The following KIF16B variants were observed in gnomAD, a reference collection of about 807,000 sequenced individuals.
KIF16B encodes the protein kinesin-like protein KIF16B.
KIF16B carries 98 observed loss-of-function variants against 156.3 expected under a neutral mutation model. The ratio of observed to expected loss-of-function variants is 0.63; its 90% CI spans 0.53 to 0.74. The LOEUF (loss-of-function observed/expected upper bound fraction) is 0.74. Ranked by LOEUF, KIF16B falls within the 30% of genes least tolerant of loss-of-function variation. The pLI is 0.00. For missense variants in KIF16B, 1,421 were observed against 1,606.5 expected, an observed-to-expected ratio of 0.88 and a Z score of 1.97; for synonymous variants, 564 against 583.7, an observed-to-expected ratio of 0.97 and a Z score of 0.49.
chr20:16,356,256 G>T, intron 23 of KIF16B, 74 bp downstream of exon 23: 2 of 1,576,248 alleles, frequency 1.3e-6, no homozygotes, highest in Non-Finnish European at 1.7e-6. Flanking sequence ...TCCCCCTTTT[G>T]AAAAAATAAA....
chr20:16,515,471 T>C (rs567579421), intron 4 of KIF16B, 77 bp downstream of exon 4: 20 of 779,286 alleles, frequency 2.6e-5, no homozygotes, highest in African/African-American at 2.2e-4. Flanking sequence ...ACAGACCAAA[T>C]AGATAAAAGA....
intron 12 of KIF16B, among the ~76,000 whole-genome samples, chr20:16,488,397 T>C (rs553752024): frequency 1.3e-5 from 2 of 152,336 alleles, no homozygotes; most frequent in African/African-American, 4.8e-5. Context: ...ATGACATACC[T>C]TGAGCATTTT....
In KIF16B at chr20:16,273,381, G is replaced by A; in HGVS notation, c.3826C>T (p.Leu1276Phe). 1.2e-6 allele frequency: 2 copies of A among 1,614,074 alleles called. No homozygotes were observed. Among genetic ancestry groups the A allele is most frequent in the Non-Finnish European group, 8.5e-7 (1 of 1,179,956 alleles). Residue 1276 changes from leucine to phenylalanine, a missense_variant, in exon 26 of 26, where the codon CTC becomes TTC. Coordinates refer to ENST00000354981, the MANE Select transcript of KIF16B (RefSeq NM_024704.5). ...KYLRDFFSVM[L>F]QSATSPLHIN... ...TGGAGGGGAGATGTTGCGGACTGGA[G>A]CATCACGCTGAAAAAGTCCCTGAGG...
At chr20:16,410,010 TGTAG>T (rs2065891485) in intron 15 of KIF16B, among the ~76,000 whole-genome samples, 1 of 119,954 alleles carries the variant, frequency 8.3e-6, no homozygotes, top group Admixed American at 8.2e-5. Flanking sequence ...CATATATATA[TGTAG>T]GTACATATAT....
At chr20:16,395,464 T>G (rs1444577595) in intron 17 of KIF16B, among the ~76,000 whole-genome samples, 1 of 152,110 alleles carries the variant, frequency 6.6e-6, no homozygotes, top group African/African-American at 2.4e-5. Flanking sequence ...ATATAAATGT[T>G]GTCATCTGGG....
chr20:16,431,689 C>T (rs1184330383), intron 12 of KIF16B, among the ~76,000 whole-genome samples: 1 of 151,918 alleles, frequency 6.6e-6, no homozygotes, highest in Non-Finnish European at 1.5e-5. Context: ...GTTCTGACAA[C>T]CAAAAATGTC....
In KIF16B at chr20:16,379,509, C is replaced by T. The variant is rs867270312; in HGVS notation, c.2493G>A (p.Arg831=). ...AQLRFFEFKR[R]QLVKLVNLEK... ...CCAAGTTCACTAGCTTGACAAGCTG[C>T]CTTCTCTTGAATTCGAAGAAACGCA... The change falls in exon 19 of 26, where the codon AGG becomes AGA. Residue 831 remains arginine, a synonymous_variant. Coordinates refer to ENST00000354981, the MANE Select transcript of KIF16B (RefSeq NM_024704.5). 1.2e-6 allele frequency: 2 copies of T among 1,614,164 alleles called. No individual in the cohort carries two copies. The highest frequency in any genetic ancestry group is 3.3e-5 in the Admixed American group (2 of 60,024).
At chr20:16,284,609 C>T (rs539746722) in intron 25 of KIF16B, among the ~76,000 whole-genome samples, 14 of 152,168 alleles carry the variant, frequency 9.2e-5, no homozygotes, top group Non-Finnish European at 1.9e-4. Flanking sequence ...AGATTAAGCA[C>T]ACAGGGACAC....
chr20:16,371,861 C>T, intron 20 of KIF16B, 100 bp from the exon 21 acceptor site: 1 of 737,144 alleles, frequency 1.4e-6, no homozygotes. Context: ...GGAGCAATCT[C>T]CTTCTAAATA....
At chr20:16,468,474 G>T (rs2067559259) in intron 12 of KIF16B, among the ~76,000 whole-genome samples, 1 of 151,170 alleles carries the variant, frequency 6.6e-6, no homozygotes, top group Non-Finnish European at 1.5e-5. Context: ...TACTTGGGAG[G>T]CTGAGGTAGG....
intron 1 of KIF16B, among the ~76,000 whole-genome samples, chr20:16,557,337 GC>G (rs1362680835): frequency 6.6e-6 from 1 of 151,716 alleles, no homozygotes; most frequent in Non-Finnish European, 1.5e-5. Context: ...CTGCTACTAC[GC>G]CCGGCTAATT....
intron 23 of KIF16B, among the ~76,000 whole-genome samples, chr20:16,336,258 A>G (rs1486438891): frequency 2.6e-5 from 4 of 152,186 alleles, no homozygotes; most frequent in Non-Finnish European, 4.4e-5. Flanking sequence ...TGAAGGGCAG[A>G]TGGTCATCTC....
chr20:16,547,366 G>T (rs910092266), intron 1 of KIF16B, among the ~76,000 whole-genome samples: 1 of 152,226 alleles, frequency 6.6e-6, no homozygotes, highest in East Asian at 1.9e-4. Flanking sequence ...CCCCACATGG[G>T]TGACAGCAAA....
intron 12 of KIF16B, among the ~76,000 whole-genome samples, chr20:16,483,141 G>C (rs989591625): frequency 2.6e-5 from 4 of 152,192 alleles, no homozygotes; most frequent in African/African-American, 9.7e-5. Context: ...ATATGAATCT[G>C]TAATTGCTGC....
At chr20:16,381,867 T>A in intron 17 of KIF16B, 120 bp from the exon 18 acceptor site, 1 of 839,794 alleles carries the variant, frequency 1.2e-6, no homozygotes, top group African/African-American at 1.7e-5. Context: ...TTACTTTTAA[T>A]TACCACGGGT....
chr20:16,342,854 G>A (rs1239300210), intron 23 of KIF16B, among the ~76,000 whole-genome samples: 3 of 152,146 alleles, frequency 2.0e-5, no homozygotes, highest in Non-Finnish European at 2.9e-5. Context: ...GTATGATCAC[G>A]GCACAGAAAA....
intron 12 of KIF16B, among the ~76,000 whole-genome samples, chr20:16,474,275 G>A (rs923429283): frequency 6.6e-6 from 1 of 152,108 alleles, no homozygotes; most frequent in South Asian, 2.1e-4. Context: ...GCAGGCCTTG[G>A]CACTTACTAG....
At chr20:16,278,679 C>T (rs2063100069) in intron 25 of KIF16B, among the ~76,000 whole-genome samples, 2 of 152,146 alleles carry the variant, frequency 1.3e-5, no homozygotes, top group African/African-American at 4.8e-5. Context: ...AACAAACAAA[C>T]ACAAAATCCT....
intron 12 of KIF16B, among the ~76,000 whole-genome samples, chr20:16,471,745 A>G (rs180709068): frequency 4.4e-4 from 67 of 152,316 alleles, no homozygotes; most frequent in Admixed American, 7.8e-4. Context: ...AGGCCAAACT[A>G]CCTAAAGTGA....
Sources: gnomAD v4.1 joint callset for allele counts (sites outside exome capture counted in the v4.1 genomes callset) on GRCh38, gnomAD v4.1.1 for gene constraint, MANE v1.5 for transcripts, NCBI Gene and HGNC (gene_info 2026-07-23, HGNC 2026-07-21) for gene names.